MON2: variants seen among roughly 807,000 people sequenced by gnomAD.
MON2 encodes the protein protein MON2 homolog.
Under a neutral mutation model 208.6 loss-of-function variants are expected in MON2, and 84 were observed. The observed-to-expected ratio is 0.40, with a 90% CI of 0.34 to 0.48. MON2 has a LOEUF of 0.48. Ranked by LOEUF, MON2 falls within the 20% of genes least tolerant of loss-of-function variation. MON2 has a pLI of 0.59. For synonymous variants in MON2, 660 were observed against 694.0 expected (o/e 0.95, Z 0.77); for missense variants, 1,611 against 2,015.4 (o/e 0.80, Z 3.84).
Position 62,560,935 on chromosome 12 carries a change from A to G in MON2, c.3854A>G (p.Gln1285Arg), listed in dbSNP as rs770841244. 1.2e-6 allele frequency: 2 copies of G among 1,613,964 alleles called. No homozygotes were observed. The highest frequency in any genetic ancestry group is 1.1e-5 in the South Asian group (1 of 91,062). ...ATTCAGATATTTCCAGCTCTCTACCAACACATAAAAACTGGTTTCAATATG... is the reference window on the plus strand; with the variant it reads ...ATTCAGATATTTCCAGCTCTCTACCGACACATAAAAACTGGTTTCAATATG... ...ALIQIFPALY[Q>R]HIKTGFNMDD... The change falls in exon 26 of 35, where the codon CAA (glutamine) becomes CGA (arginine). Residue 1285 changes from glutamine to arginine, a missense_variant. Physicochemically the swap from Gln to Arg is conservative, Grantham distance 43. Transcript: ENST00000393630.
intron 23 of MON2, among the ~76,000 whole-genome samples, chr12:62,550,942 G>A (rs1362847496): frequency 1.5e-5 from 2 of 136,174 alleles, no homozygotes; most frequent in Admixed American, 8.0e-5. Context: ...TTTCTGAGAC[G>A]GAGTCTTGCG....
intron 22 of MON2, among the ~76,000 whole-genome samples, chr12:62,548,057 A>G (rs2047479): frequency 0.38 from 57,951 of 151,972 alleles, 11,390 homozygotes; most frequent in African/African-American, 0.47. Context: ...TATGAAGGAG[A>G]TCTTATATGG....
intron 4 of MON2, among the ~76,000 whole-genome samples, chr12:62,495,607 G>T (rs556325282): frequency 1.3e-5 from 2 of 150,514 alleles, no homozygotes; most frequent in African/African-American, 4.9e-5. Flanking sequence ...GGAGAATGGC[G>T]TGAACTCAGG....
Position 62,545,024 on chromosome 12 carries a change from CT to C in MON2, c.2577+21del. The stretch of plus-strand genomic sequence containing the variant: ...ACAAAACCAGGTAATAAAAACCTTA[CT>C]TTTTAAAAAGAATACTCAATATAAA... On this transcript the variant is annotated intron_variant, in intron 21 of 34. Coordinates refer to ENST00000393630, the MANE Select transcript of MON2 (RefSeq NM_015026.3). 1.2e-5 allele frequency: 18 copies of C among 1,495,172 alleles called. No homozygotes were observed. Among genetic ancestry groups the C allele is most frequent in the Non-Finnish European group, 1.6e-5 (18 of 1,101,050 alleles). The allele number at this position is 1,495,172 out of a possible 1,614,324, so 92.6% of individuals were successfully genotyped here.
At chr12:62,519,174 G>A (rs1229413562) in intron 8 of MON2, among the ~76,000 whole-genome samples, 1 of 152,084 alleles carries the variant, frequency 6.6e-6, no homozygotes, top group Admixed American at 6.5e-5. Context: ...ACACCCCGAC[G>A]GGTCACAGAA....
intron 2 of MON2, 94 bp from the exon 3 acceptor site, chr12:62,493,821 T>G: frequency 1.0e-6 from 1 of 955,644 alleles, no homozygotes; most frequent in Non-Finnish European, 1.5e-6. Flanking sequence ...TGGATTTTTT[T>G]TGAGATCGCT....
intron 14 of MON2, 112 bp from the exon 15 acceptor site, chr12:62,537,039 A>G: frequency 3.5e-6 from 2 of 579,256 alleles, no homozygotes; most frequent in South Asian, 6.6e-5. Context: ...TATTACTGAT[A>G]TTTAAATAAG....
chr12:62,565,066 TTATTC>T (rs1445000191), intron 26 of MON2, 166 bp from the exon 27 acceptor site: 9 of 577,532 alleles, frequency 1.6e-5, no homozygotes, highest in Admixed American at 7.3e-5. Context: ...AGCCTATACT[TTATTC>T]TATAACAGTT....
chr12:62,544,292 A>G (rs2073378778), intron 20 of MON2, among the ~76,000 whole-genome samples: 1 of 152,102 alleles, frequency 6.6e-6, no homozygotes, highest in Non-Finnish European at 1.5e-5. Context: ...AAAAAATTTA[A>G]AAAATTAGCC....
At chr12:62,467,440 G>T in intron 1 of MON2, 122 bp downstream of exon 1, 1 of 762,226 alleles carries the variant, frequency 1.3e-6, no homozygotes, top group South Asian at 1.6e-5. Context: ...AGATTTGTGA[G>T]TCGGTGGGTT....
At position 62,535,609 on chromosome 12, in the gene MON2, A is replaced by G. The variant is rs772037774; in HGVS notation, c.1800A>G (p.Ser600=). 5 of 1,613,830 alleles carry G rather than the reference A, an allele frequency of 3.1e-6. No homozygotes were observed. Among genetic ancestry groups the G allele is most frequent in the Non-Finnish European group, 2.5e-6 (3 of 1,179,816 alleles). The change falls in exon 14 of 35, where the codon TCA becomes TCG. Residue 600 remains serine (S), a synonymous_variant. Transcript: ENST00000393630. The part of the protein sequence containing the change: ...ALCGRLGLVT[S]RDAFITAICK... ...GTGGAAGACTGGGCCTTGTAACTTC[A>G]AGAGATGCCTTTATAACTGCAATAT... is the stretch of plus-strand genomic sequence containing the variant.
chr12:62,535,411 C>A, intron 13 of MON2, 114 bp from the exon 14 acceptor site: 2 of 805,056 alleles, frequency 2.5e-6, no homozygotes, highest in Admixed American at 3.3e-5. Context: ...AATATTTTGA[C>A]AATATTTTTG....
At chr12:62,476,475 C>CCCAGGCTGGAGTG (rs2069090118) in intron 1 of MON2, among the ~76,000 whole-genome samples, 1 of 151,448 alleles carries the variant, frequency 6.6e-6, no homozygotes, top group Non-Finnish European at 1.5e-5. Flanking sequence ...CGCTCCATTG[C>CCCAGGCTGGAGTG]CCAGGCTGGA....
chr12:62,472,216 A>G (rs983367529), intron 1 of MON2, among the ~76,000 whole-genome samples: 1 of 152,172 alleles, frequency 6.6e-6, no homozygotes, highest in Admixed American at 6.6e-5. Flanking sequence ...AGCAGCACCT[A>G]TTTCATCAAA....
At position 62,534,258 on chromosome 12, in the gene MON2, C is replaced by T. The variant is rs1390361322; in HGVS notation, c.1634-587C>T. Among the ~76,000 whole-genome samples the T allele has an allele frequency of 3.3e-5, 5 of 150,884 alleles. No homozygotes were observed. The East Asian group carries it at 7.8e-4, about 24-fold the overall frequency. On this transcript the variant is annotated intron_variant, in intron 12 of 34. Coordinates refer to ENST00000393630, the MANE Select transcript of MON2 (RefSeq NM_015026.3). ...AAAAATGGCTGGGCGTGGTGGCTCA[C>T]GCCTGTAATCCCAGTAGTTTGGGAG...
chr12:62,553,502 C>G (rs1236344891), intron 24 of MON2: 1 of 200,888 alleles, frequency 5.0e-6, no homozygotes, highest in Non-Finnish European at 1.0e-5. Flanking sequence ...TAATCAATCC[C>G]TTACCATAGA....
At chr12:62,501,515 G>A in intron 6 of MON2, 58 bp from the exon 7 acceptor site, 10 of 1,580,114 alleles carry the variant, frequency 6.3e-6, no homozygotes, top group South Asian at 4.6e-5. Context: ...TATGAACTGC[G>A]AGTTTGGAAA....
chr12:62,532,383 T>C (rs1026198410), intron 11 of MON2, 55 bp from the exon 12 acceptor site: 1 of 1,226,594 alleles, frequency 8.2e-7, no homozygotes, highest in African/African-American at 1.5e-5. Flanking sequence ...AATAGTTTTA[T>C]GTATTTTTTT....
At chr12:62,538,553 A>C (rs770630044) in intron 19 of MON2, 48 bp downstream of exon 19, 1 of 1,203,778 alleles carries the variant, frequency 8.3e-7, no homozygotes, top group Non-Finnish European at 1.2e-6. Flanking sequence ...TTAGTTATAT[A>C]AGATGTACAT....
Sources: allele counts gnomAD v4.1 joint callset (sites outside exome capture counted in the v4.1 genomes callset), GRCh38; gene constraint gnomAD v4.1.1; transcripts MANE v1.5; gene names NCBI Gene and HGNC (gene_info 2026-07-23, HGNC 2026-07-21).